The following SYT14 variants were observed in gnomAD, a reference collection of about 807,000 sequenced individuals.
The protein encoded by SYT14 is synaptotagmin-14.
SYT14 carries 32 observed loss-of-function variants against 74.2 expected under a neutral mutation model. The ratio of observed to expected loss-of-function variants is 0.43; its 90% CI spans 0.33 to 0.58. The LOEUF (loss-of-function observed/expected upper bound fraction) is 0.58. Ranked by LOEUF, SYT14 falls within the 20% of genes least tolerant of loss-of-function variation. The pLI is 0.05. For missense variants in SYT14, 791 were observed against 981.8 expected, an observed-to-expected ratio of 0.81 and a Z score of 2.60; for synonymous variants, 298 against 337.7, an observed-to-expected ratio of 0.88 and a Z score of 1.29.
intron 2 of SYT14, among the ~76,000 whole-genome samples, chr1:209,964,368 G>C (rs989948764): frequency 6.6e-6 from 1 of 152,120 alleles, no homozygotes; most frequent in Non-Finnish European, 1.5e-5. Flanking sequence ...CTTTATAGCA[G>C]TGTGAAAATG....
intron 5 of SYT14, among the ~76,000 whole-genome samples, chr1:210,063,714 T>C (rs947121818): frequency 6.6e-6 from 1 of 151,930 alleles, no homozygotes; most frequent in African/African-American, 2.4e-5. Flanking sequence ...CCTTAACTGC[T>C]GTCTTCATTT....
At chr1:210,068,491 C>T (rs2081336172) in intron 5 of SYT14, among the ~76,000 whole-genome samples, 1 of 151,522 alleles carries the variant, frequency 6.6e-6, no homozygotes, top group Non-Finnish European at 1.5e-5. Context: ...TATCTGTTCT[C>T]TGTTTGGTAG....
chr1:210,144,063 T>C (rs1409291747), intron 7 of SYT14, among the ~76,000 whole-genome samples: 1 of 152,154 alleles, frequency 6.6e-6, no homozygotes, highest in African/African-American at 2.4e-5. Flanking sequence ...TCAACTGTCT[T>C]ACTCCAAAGC....
At chr1:210,128,260 C>T (rs993271534) in intron 7 of SYT14, among the ~76,000 whole-genome samples, 1 of 151,812 alleles carries the variant, frequency 6.6e-6, no homozygotes, top group Admixed American at 6.6e-5. Context: ...GCCTGTGGTC[C>T]CAGCTACTTG....
intron 7 of SYT14, among the ~76,000 whole-genome samples, chr1:210,100,917 T>G (rs1249356890): frequency 6.6e-6 from 1 of 152,186 alleles, no homozygotes; most frequent in Non-Finnish European, 1.5e-5. Context: ...CCCGACTGGA[T>G]ATGTTTCCAG....
chr1:210,045,028 C>T (rs920969102), intron 5 of SYT14, among the ~76,000 whole-genome samples: 3 of 152,044 alleles, frequency 2.0e-5, no homozygotes, highest in South Asian at 4.1e-4. Flanking sequence ...CTTTTCAATA[C>T]GAGATTTGAG....
chr1:209,952,788 A>G (rs371965966), intron 2 of SYT14, 32 bp downstream of exon 2: 88 of 1,564,054 alleles, frequency 5.6e-5, no homozygotes, highest in Middle Eastern at 2.0e-4. Context: ...CTATTTACAT[A>G]CTAAATGAAT....
At chr1:210,001,753 C>G (rs567717009) in intron 2 of SYT14, among the ~76,000 whole-genome samples, 4 of 151,956 alleles carry the variant, frequency 2.6e-5, no homozygotes, top group Non-Finnish European at 5.9e-5. Flanking sequence ...AGCAAAGACT[C>G]GAAGGAGGTG....
At chr1:210,160,943 T>C in exon 10 of SYT14, 2 of 1,613,998 alleles carry the variant, frequency 1.2e-6, no homozygotes, top group South Asian at 1.1e-5. Context: ...TTTCTTTAGG[T>C]CTCAACAGCT....
At chr1:209,939,091 G>C (rs2102632594) in intron 1 of SYT14, among the ~76,000 whole-genome samples, 1 of 152,274 alleles carries the variant, frequency 6.6e-6, no homozygotes, top group Middle Eastern at 3.4e-3. Flanking sequence ...TCTTGTTCCA[G>C]AAACATGTAA....
At chr1:210,111,431 G>A (rs2082259938) in intron 7 of SYT14, among the ~76,000 whole-genome samples, 1 of 151,248 alleles carries the variant, frequency 6.6e-6, no homozygotes, top group South Asian at 2.1e-4. Context: ...ATACATGCAG[G>A]CTTGGGCCCA....
chr1:210,109,836 C>G (rs1172560036), intron 7 of SYT14, among the ~76,000 whole-genome samples: 2 of 152,180 alleles, frequency 1.3e-5, no homozygotes, highest in African/African-American at 4.8e-5. Context: ...TATTGCAGCA[C>G]TGTTCACAAT....
intron 7 of SYT14, among the ~76,000 whole-genome samples, chr1:210,105,849 CT>C (rs1167599748): frequency 2.6e-5 from 4 of 152,246 alleles, no homozygotes; most frequent in African/African-American, 4.8e-5. Flanking sequence ...GCATCTCCCC[CT>C]CTCCCTCTCT....
intron 5 of SYT14, among the ~76,000 whole-genome samples, chr1:210,056,373 G>A (rs2081096649): frequency 6.6e-6 from 1 of 152,222 alleles, no homozygotes; most frequent in African/African-American, 2.4e-5. Flanking sequence ...AAGGGGTTCT[G>A]TGGATCCTTG....
exon 7 of SYT14, chr1:210,100,328 G>C: frequency 1.2e-6 from 2 of 1,613,972 alleles, no homozygotes; most frequent in East Asian, 2.2e-5. Context: ...TATGCAGTTC[G>C]GTTTAGACTG....
exon 10 of SYT14, chr1:210,162,259 T>C (rs1286220891): frequency 2.3e-6 from 1 of 433,272 alleles, no homozygotes; most frequent in Non-Finnish European, 4.6e-6. Flanking sequence ...TTAAATTTGC[T>C]CATACAGCTT....
intron 7 of SYT14, among the ~76,000 whole-genome samples, chr1:210,103,107 T>C (rs1260346743): frequency 6.6e-6 from 1 of 152,166 alleles, no homozygotes; most frequent in Non-Finnish European, 1.5e-5. Context: ...TACAGTTTTT[T>C]TCATAGATAA....
rs141269965 is a variant in SYT14 at position 210,085,872 on chromosome 1, C to A, written c.1313-8450C>A. 9.9e-5 allele frequency among the ~76,000 whole-genome samples: 15 copies of A among 152,140 alleles called. No individual in the cohort carries two copies. The East Asian group carries it at 2.9e-3, about 29-fold the overall frequency. The stretch of plus-strand genomic sequence containing the variant: ...CTTTCTTGTAAGATACTTTTCAGGT[C>A]CTGATGTCAAGGTTATTATGGCCTC... On this transcript the variant is annotated intron_variant, in intron 5 of 9. Coordinates refer to ENST00000637265, the Ensembl canonical transcript of SYT14.
rs570706271 is a variant in SYT14, at chr1:209,991,435, A to C, written c.-485-22198A>C. Among the ~76,000 whole-genome samples, 5 of 152,238 alleles carry C rather than the reference A, an allele frequency of 3.3e-5. No individual in the cohort carries two copies. The East Asian group carries it at 9.6e-4, about 29-fold the overall frequency. ...CAAGGAATGCAAACAACTCAACCAA[A>C]ATCCCTCAAATAACCCCATTAAAAA... On this transcript the variant is annotated intron_variant, in intron 2 of 9. Transcript: ENST00000637265.
Sources: gnomAD v4.1 joint callset for allele counts (sites outside exome capture counted in the v4.1 genomes callset) on GRCh38, gnomAD v4.1.1 for gene constraint, MANE v1.5 for transcripts, NCBI Gene and HGNC (gene_info 2026-07-23, HGNC 2026-07-21) for gene names.